MOCS1: variants seen among roughly 807,000 people sequenced by gnomAD.
MOCS1 encodes the protein molybdenum cofactor synthesis 1, also known as molybdenum cofactor biosynthesis protein 1.
In MOCS1, 39 loss-of-function variants were observed where a neutral mutation model predicts 57.6. That is an observed-to-expected ratio of 0.68 (90% CI 0.52 to 0.88). The LOEUF is 0.88. Among genes scored for constraint, MOCS1 ranks in the 40% least tolerant of loss-of-function variants. MOCS1 has a pLI of 0.00. For synonymous variants in MOCS1, 334 were observed against 335.7 expected (o/e 1.00, Z 0.05); for missense variants, 795 against 831.1 (o/e 0.96, Z 0.53).
At chr6:39,910,842 G>A (rs558653255) in intron 8 of MOCS1, among the ~76,000 whole-genome samples, 2 of 151,218 alleles carry the variant, frequency 1.3e-5, no homozygotes, top group African/African-American at 4.9e-5. Flanking sequence ...CCCCCCAGCT[G>A]GCTCCTGCCT....
intron 2 of MOCS1, among the ~76,000 whole-genome samples, chr6:39,926,395 T>C (rs1383161145): frequency 3.3e-5 from 5 of 152,054 alleles, no homozygotes; most frequent in Admixed American, 2.0e-4. Context: ...ACTGAGATAC[T>C]ACTTGTTCAT....
At chr6:39,929,033 G>A (rs1768497508) in intron 1 of MOCS1, among the ~76,000 whole-genome samples, 1 of 152,100 alleles carries the variant, frequency 6.6e-6, no homozygotes, top group Non-Finnish European at 1.5e-5. Flanking sequence ...AATTCTCATC[G>A]GCAGCCCTTG....
At chr6:39,934,209 A>G in intron 1 of MOCS1, 86 bp downstream of exon 1, 2 of 1,436,284 alleles carry the variant, frequency 1.4e-6, no homozygotes, top group Non-Finnish European at 1.8e-6. Context: ...TCAAGCAGAT[A>G]GGCCGGGAGC....
At chr6:39,924,535 G>A (rs144912508) in intron 3 of MOCS1, among the ~76,000 whole-genome samples, 2 of 152,330 alleles carry the variant, frequency 1.3e-5, no homozygotes, top group African/African-American at 4.8e-5. Context: ...AGTGAGTAGG[G>A]CAGGGGTTGC....
In MOCS1 at chr6:39,934,342, G is replaced by C; in HGVS notation, c.76C>G (p.Pro26Ala). 2 of 1,552,604 alleles carry C rather than the reference G, an allele frequency of 1.3e-6. No homozygotes were observed. The highest frequency in any genetic ancestry group is 1.7e-6 in the Non-Finnish European group (2 of 1,153,558). Residue 26 changes from proline (P) to alanine (A), a missense_variant, in exon 1 of 11, where the codon CCG becomes GCG. Physicochemically the swap from Pro to Ala is conservative, Grantham distance 27. Around this residue, in one of 3 missense-constraint regions of MOCS1, gnomAD observed 416 missense variants for 392.4 expected, o/e 1.06. Transcript: ENST00000340692. ...SSARSCSSGA[P>A]VTQPCPGESA... is the part of the protein sequence containing the mutation. ...TCCCCGGGGCAGGGCTGGGTCACCG[G>C]AGCCCCTGAGCTGCAGCTCCGGGCG...
At position 39,916,063 on chromosome 6, in the gene MOCS1, C is replaced by T. The variant is rs1180402818; in HGVS notation, c.583+5G>A. The T allele has an allele frequency of 6.2e-7, 1 of 1,603,034 alleles. No individual in the cohort carries two copies. Among genetic ancestry groups the T allele is most frequent in the Non-Finnish European group, 8.5e-7 (1 of 1,175,250 alleles). On this transcript the variant is annotated splice_donor_5th_base_variant and intron_variant, in intron 4 of 10. Transcript: ENST00000340692. Reference sequence around the variant, plus strand: ...GGGACACCCACCCCATCCACATCCGCTCACCTTTCCTGCGGACAATGAACT... The same window carrying T: ...GGGACACCCACCCCATCCACATCCGTTCACCTTTCCTGCGGACAATGAACT...
chr6:39,904,831 T>TAATA lies in MOCS1; in HGVS notation c.*1522_*1525dup, dbSNP rs1236397332. 29 of 453,976 alleles carry TAATA rather than the reference T, an allele frequency of 6.4e-5. No individual in the cohort carries two copies. The highest frequency in any genetic ancestry group is 1.2e-4 in the Non-Finnish European group (27 of 226,802). The allele number at this position is 453,976 out of a possible 1,614,324, so 28.1% of individuals were successfully genotyped here. ...GCACCTTTTTTATAAGAATATATTG[T>TAATA]AATACTAAAAAATATTAAATTCATA... On this transcript the variant is annotated 3_prime_UTR_variant, in exon 11 of 11. Transcript: ENST00000340692.
chr6:39,921,201 C>A (rs1017613935), intron 3 of MOCS1, among the ~76,000 whole-genome samples: 3 of 151,928 alleles, frequency 2.0e-5, no homozygotes, highest in Non-Finnish European at 4.4e-5. Context: ...AGATCGAGAT[C>A]ATCCTGGCTA....
rs1485170184 is a variant in MOCS1, at chr6:39,905,956, C to A, written c.*401G>T. The A allele has an allele frequency of 6.5e-6, 3 of 461,446 alleles. No homozygotes were observed. The highest frequency in any genetic ancestry group is 1.4e-4 in the East Asian group (2 of 13,994). The allele number at this position is 461,446 out of a possible 1,614,324, so 28.6% of individuals were successfully genotyped here. On this transcript the variant is annotated 3_prime_UTR_variant, in exon 11 of 11. Transcript: ENST00000340692. ...AAAGTGGGCTCCTCTGCTTAATGAG[C>A]GCTTAATCTCTCCCCAGGAAAGCAG... is the stretch of plus-strand genomic sequence containing the variant.
intron 3 of MOCS1, among the ~76,000 whole-genome samples, 198 bp from the exon 4 acceptor site, chr6:39,916,430 A>G (rs1008416202): frequency 1.3e-5 from 2 of 152,236 alleles, no homozygotes; most frequent in African/African-American, 4.8e-5. Flanking sequence ...TTAAGCATTG[A>G]GTGCTCTGTG....
chr6:39,915,212 G>C (rs1293115148), intron 4 of MOCS1, among the ~76,000 whole-genome samples: 2 of 152,196 alleles, frequency 1.3e-5, no homozygotes, highest in African/African-American at 4.8e-5. Flanking sequence ...ACAGCACCTG[G>C]AGCAGGCCTC....
chr6:39,906,946 C>T lies in MOCS1; in HGVS notation c.1322G>A (p.Gly441Glu), dbSNP rs751709940. Residue 441 changes from glycine (G) to glutamate (E), a missense_variant, in exon 11 of 11, where the codon GGG becomes GAG. By Grantham distance (98) the Gly-to-Glu change is moderately conservative (BLOSUM62 -2). Coordinates refer to ENST00000340692, the MANE Select transcript of MOCS1 (RefSeq NM_001358530.2). ...GTAGTGTCTCTGAAAGGAGCCAGAC[C>T]CCAGCCGCTGCTGGGCTAGAGGAGG... ...QTPPLAQQRL[G>E]SGSFQRHYTS... 3 of 1,614,036 alleles carry T rather than the reference C, an allele frequency of 1.9e-6. No homozygotes were observed. Among genetic ancestry groups the T allele is most frequent in the Admixed American group, 1.7e-5 (1 of 60,024 alleles).
intron 3 of MOCS1, among the ~76,000 whole-genome samples, chr6:39,917,784 A>G (rs1330542644): frequency 1.3e-5 from 2 of 152,244 alleles, no homozygotes; most frequent in African/African-American, 2.4e-5. Flanking sequence ...AAATAAACCA[A>G]GAAAAAACCC....
Position 39,925,803 on chromosome 6 carries a change from T to C in MOCS1, c.293A>G (p.Lys98Arg). ...MPEEGVPLTP[K>R]ANLLTTEEIL... ...CTCCTCTGTGGTCAGCAGGTTGGCT[T>C]TGGGGGTCAGCGGGACCCCCTCCTC... Residue 98 changes from lysine (K) to arginine (R), a missense_variant, in exon 3 of 11, where the codon AAA becomes AGA. Coordinates refer to ENST00000340692, the MANE Select transcript of MOCS1 (RefSeq NM_001358530.2). The C allele has an allele frequency of 3.7e-6, 6 of 1,612,772 alleles. No homozygotes were observed. The highest frequency in any genetic ancestry group is 3.4e-6 in the Non-Finnish European group (4 of 1,179,938).
At chr6:39,914,347 G>T (rs1488194312) in intron 4 of MOCS1, among the ~76,000 whole-genome samples, 1 of 152,168 alleles carries the variant, frequency 6.6e-6, no homozygotes, top group Non-Finnish European at 1.5e-5. Flanking sequence ...TCTGCTCAAA[G>T]CCCCATGGCT....
In MOCS1 at chr6:39,923,334, C is replaced by G. The variant is rs1324737063; in HGVS notation, c.418+2344G>C. Among the ~76,000 whole-genome samples the G allele has an allele frequency of 2.0e-5, 3 of 152,338 alleles. No individual in the cohort carries two copies. In the East Asian group the frequency reaches 5.8e-4, roughly 29 times the overall value. On this transcript the variant is annotated intron_variant, in intron 3 of 10. Transcript: ENST00000340692. Reference sequence around the variant, plus strand: ...GCCCTCGGTGGGGAAGGAACCTGCACAAGTTCACCCAGCCAGAGAGTGGCA... The same window carrying G: ...GCCCTCGGTGGGGAAGGAACCTGCAGAAGTTCACCCAGCCAGAGAGTGGCA...
rs1410393829 is a variant in MOCS1 at position 39,906,422 on chromosome 6, C to T, written c.1846G>A (p.Val616Met). 7 of 1,605,882 alleles carry T rather than the reference C, an allele frequency of 4.4e-6. No homozygotes were observed. Among genetic ancestry groups the T allele is most frequent in the East Asian group, 4.5e-5 (2 of 44,654 alleles). ...CTAATGAGCTTGATCTCCTCCAACA[C>T]GATGTCCCTGCTGACAGCCTTGCAC... ...DMCKAVSRDI[V>M]LEEIKLISKT... Residue 616 changes from valine to methionine, a missense_variant, in exon 11 of 11, where the codon GTG becomes ATG. Val to Met is a conservative substitution (Grantham distance 21, BLOSUM62 1). Around this residue, in one of 3 missense-constraint regions of MOCS1, gnomAD observed 374 missense variants for 422.6 expected, o/e 0.89. Transcript: ENST00000340692.
intron 8 of MOCS1, 111 bp downstream of exon 8, chr6:39,912,153 T>A: frequency 4.7e-6 from 4 of 858,538 alleles, no homozygotes; most frequent in Non-Finnish European, 8.0e-6. Context: ...ACCAACCACC[T>A]CCCCCGACAC....
intron 6 of MOCS1, 143 bp downstream of exon 6, chr6:39,913,174 G>A (rs548764399): frequency 2.7e-5 from 24 of 883,566 alleles, no homozygotes; most frequent in South Asian, 6.7e-5. Context: ...CATCCACAGC[G>A]GGCTCCGAGA....
Sources: gnomAD v4.1 joint callset for allele counts (sites outside exome capture counted in the v4.1 genomes callset) on GRCh38, gnomAD v4.1.1 for gene constraint, gnomAD v4.1.1 regional missense constraint, MANE v1.5 for transcripts, NCBI Gene and HGNC (gene_info 2026-07-23, HGNC 2026-07-21) for gene names.